Variants in DNAH11 observed in about 807,000 individuals in gnomAD.
DNAH11 encodes dynein axonemal heavy chain 11, also known as axonemal beta dynein heavy chain 11.
DNAH11 carries 442 observed loss-of-function variants against 526.0 expected under a neutral mutation model. The ratio of observed to expected loss-of-function variants is 0.84; its 90% CI spans 0.78 to 0.91. The LOEUF (loss-of-function observed/expected upper bound fraction) is 0.91, where lower values mean the gene tolerates loss of function less well. DNAH11 is among the 40% of genes least tolerant of loss of function. DNAH11 has a pLI of 0.00. For synonymous variants in DNAH11, 2,461 were observed against 1,935.9 expected (o/e 1.27, Z -7.12); for missense variants, 6,989 against 5,448.7 (o/e 1.28, Z -8.90).
At chr7:21,735,591 C>A (rs778317014) in intron 45 of DNAH11, 49 bp from the exon 46 acceptor site, 1 of 1,509,110 alleles carries the variant, frequency 6.6e-7, no homozygotes, top group Non-Finnish European at 9.0e-7. Flanking sequence ...CTCTCGCACG[C>A]ACTCTCTCTC....
chr7:21,891,688 T>C (rs1273107432), intron 76 of DNAH11, among the ~76,000 whole-genome samples: 1 of 152,132 alleles, frequency 6.6e-6, no homozygotes, highest in Non-Finnish European at 1.5e-5. Context: ...ATGGGCACGA[T>C]AAAAGCCCGC....
chr7:21,699,307 C>A (rs1486434733), intron 36 of DNAH11, among the ~76,000 whole-genome samples: 1 of 152,120 alleles, frequency 6.6e-6, no homozygotes, highest in African/African-American at 2.4e-5. Flanking sequence ...TCTCTACTCT[C>A]CAATCATAAG....
chr7:21,553,775 TG>T (rs978893294), intron 2 of DNAH11, among the ~76,000 whole-genome samples: 5 of 152,242 alleles, frequency 3.3e-5, no homozygotes, highest in Non-Finnish European at 5.9e-5. Context: ...AACCTTTTTT[TG>T]ATTACCTCTT....
At chr7:21,749,597 G>A (rs2128492868) in intron 52 of DNAH11, 81 bp from the exon 53 acceptor site, 1 of 1,567,436 alleles carries the variant, frequency 6.4e-7, no homozygotes, top group South Asian at 1.2e-5. Context: ...CAGTTACTGA[G>A]TTCTCCCCAG....
intron 28 of DNAH11, among the ~76,000 whole-genome samples, chr7:21,648,120 A>G (rs150419149): frequency 2.0e-5 from 3 of 152,374 alleles, no homozygotes; most frequent in East Asian, 3.9e-4. Context: ...ATAACTGGCT[A>G]TGTTATTGCT....
chr7:21,842,326 G>C (rs916787693), intron 65 of DNAH11, among the ~76,000 whole-genome samples: 1 of 152,114 alleles, frequency 6.6e-6, no homozygotes, highest in East Asian at 1.9e-4. Flanking sequence ...TACTATTATT[G>C]TCAATATTTC....
chr7:21,725,993 G>A lies in DNAH11; in HGVS notation c.7440+9G>A, dbSNP rs1374196124. On this transcript the variant is annotated intron_variant, in intron 45 of 81. Coordinates refer to ENST00000409508, the MANE Select transcript of DNAH11 (RefSeq NM_001277115.2). ...CAGATGTGCCTCTGCAGGTAGGTGT[G>A]TGGAACATAGCAATTGTATTAGTCT... 11 of 1,540,186 alleles carry A rather than the reference G, an allele frequency of 7.1e-6. No individual in the cohort carries two copies. Among genetic ancestry groups the A allele is most frequent in the Non-Finnish European group, 9.6e-6 (11 of 1,142,050 alleles).
At chr7:21,725,469 A>G (rs1371399334) in intron 44 of DNAH11, among the ~76,000 whole-genome samples, 1 of 152,226 alleles carries the variant, frequency 6.6e-6, no homozygotes, top group Non-Finnish European at 1.5e-5. Context: ...TAAATCAAAT[A>G]ATGTCATTAA....
chr7:21,627,346 C>G (rs1485819053), intron 25 of DNAH11, among the ~76,000 whole-genome samples: 2 of 152,142 alleles, frequency 1.3e-5, no homozygotes, highest in African/African-American at 2.4e-5. Flanking sequence ...CACACAAAAT[C>G]TTTGCCCACA....
chr7:21,559,605 C>T lies in DNAH11; in HGVS notation c.695C>T (p.Pro232Leu), dbSNP rs200454446. The T allele has an allele frequency of 1.0e-3, 1,635 of 1,596,810 alleles. 1 individual carries two copies. Among genetic ancestry groups the T allele is most frequent in the Non-Finnish European group, 1.3e-3 (1,533 of 1,171,944 alleles). The change falls in exon 4 of 82, where the codon CCA (proline) becomes CTA (leucine). Residue 232 changes from proline (P) to leucine (L), a missense_variant and splice_region_variant. By Grantham distance (98) the Pro-to-Leu change is moderately conservative. Coordinates refer to ENST00000409508, the MANE Select transcript of DNAH11 (RefSeq NM_001277115.2). ...DLDQNCSENK[P>L]PSNERIILHA... ...TTTTATTATCTTAATGTTTGTAGGCCACCGTCAAACGAAAGGATAATACTT... is the reference window on the plus strand; with the variant it reads ...TTTTATTATCTTAATGTTTGTAGGCTACCGTCAAACGAAAGGATAATACTT...
intron 44 of DNAH11, among the ~76,000 whole-genome samples, chr7:21,722,771 A>G (rs1022481916): frequency 6.6e-6 from 1 of 152,128 alleles, no homozygotes; most frequent in Non-Finnish European, 1.5e-5. Flanking sequence ...TTTCTTGTTA[A>G]TGGAGGCCAC....
Position 21,861,782 on chromosome 7 carries a change from C to G in DNAH11, c.11203-71C>G, listed in dbSNP as rs527383619. 1.1e-4 allele frequency: 177 copies of G among 1,573,846 alleles called. No homozygotes were observed. In the African/African-American group the frequency reaches 2.2e-3, roughly 20 times the overall value. On this transcript the variant is annotated intron_variant, in intron 68 of 81. Coordinates refer to ENST00000409508, the MANE Select transcript of DNAH11 (RefSeq NM_001277115.2). ...TATAGATAAACCTTAAACTGTTGCC[C>G]TGTGTATCGGGGGTAGCTAGACATC...
intron 30 of DNAH11, among the ~76,000 whole-genome samples, chr7:21,678,220 C>G (rs571053622): frequency 6.7e-6 from 1 of 149,282 alleles, no homozygotes; most frequent in Admixed American, 6.6e-5. Context: ...ATCTTTAAGT[C>G]TTTGATTCAT....
At chr7:21,753,913 A>T (rs1048888129) in intron 54 of DNAH11, among the ~76,000 whole-genome samples, 1 of 152,156 alleles carries the variant, frequency 6.6e-6, no homozygotes, top group African/African-American at 2.4e-5. Flanking sequence ...TCAGGGTACA[A>T]TGTCTTTTAT....
intron 65 of DNAH11, among the ~76,000 whole-genome samples, chr7:21,828,573 A>G (rs1380932981): frequency 2.6e-5 from 4 of 152,194 alleles, no homozygotes; most frequent in Admixed American, 1.3e-4. Context: ...GGCTTCAGAT[A>G]AAGAATCCTC....
At position 21,681,002 on chromosome 7, in the gene DNAH11, G is replaced by T. The variant is rs957691277; in HGVS notation, c.5329-544G>T. On this transcript the variant is annotated intron_variant, in intron 30 of 81. Transcript: ENST00000409508. ...GGTAGAGGGTCAGTCCAGTGCAGCC[G>T]GGAAACCCTGTGTCTTCCCTGGCTT... 2.6e-5 allele frequency among the ~76,000 whole-genome samples: 4 copies of T among 152,104 alleles called. No homozygotes were observed. The East Asian group carries it at 7.7e-4, about 29-fold the overall frequency.
chr7:21,655,760 C>T lies in DNAH11; in HGVS notation c.4945-72C>T, dbSNP rs943611369. ...CATAACGTTTCATGACTTCATATGG[C>T]ATCATCTCTAGATTATCAGAATATA... On this transcript the variant is annotated intron_variant, in intron 28 of 81. Transcript: ENST00000409508. 7.7e-6 allele frequency: 11 copies of T among 1,434,290 alleles called. No homozygotes were observed. The African/African-American group carries it at 1.4e-4, about 18-fold the overall frequency. The allele number at this position is 1,434,290 out of a possible 1,614,324, so 88.8% of individuals were successfully genotyped here.
chr7:21,780,778 A>G (rs1787907579), intron 57 of DNAH11, among the ~76,000 whole-genome samples: 1 of 152,182 alleles, frequency 6.6e-6, no homozygotes, highest in Admixed American at 6.5e-5. Flanking sequence ...CATTTTATCC[A>G]TGGAGCTGGA....
intron 76 of DNAH11, among the ~76,000 whole-genome samples, chr7:21,891,014 C>G (rs1444515914): frequency 6.6e-6 from 1 of 152,198 alleles, no homozygotes; most frequent in Non-Finnish European, 1.5e-5. Context: ...CATAGGCTTT[C>G]TAAGTAACCT....
Sources: allele counts gnomAD v4.1 joint callset (sites outside exome capture counted in the v4.1 genomes callset), GRCh38; gene constraint gnomAD v4.1.1; transcripts MANE v1.5; gene names NCBI Gene and HGNC (gene_info 2026-07-23, HGNC 2026-07-21).